Variants in DNAH8 observed in about 807,000 individuals in gnomAD.
The protein encoded by DNAH8 is axonemal beta dynein heavy chain 8.
A neutral mutation model predicts 562.1 loss-of-function variants in DNAH8; 382 were observed. The ratio of observed to expected loss-of-function variants is 0.68; its 90% confidence interval spans 0.63 to 0.74. The LOEUF (loss-of-function observed/expected upper bound fraction) is 0.74, where lower values mean the gene tolerates loss of function less well. Among genes scored for constraint, DNAH8 ranks in the 30% least tolerant of loss-of-function variants. DNAH8 has a pLI of 0.00. For missense variants in DNAH8, 5,203 were observed against 5,620.4 expected, an observed-to-expected ratio of 0.93 and a Z score of 2.37; for synonymous variants, 1,881 against 1,919.4, an observed-to-expected ratio of 0.98 and a Z score of 0.52.
intron 2 of DNAH8, 24 bp downstream of exon 2, chr6:38,723,223 A>C: frequency 6.3e-7 from 1 of 1,591,172 alleles, no homozygotes; most frequent in South Asian, 1.1e-5. Flanking sequence ...ACGATTTTTC[A>C]TGTGTGCCAC....
At chr6:38,753,961 T>C (rs1765693413) in intron 9 of DNAH8, among the ~76,000 whole-genome samples, 1 of 152,198 alleles carries the variant, frequency 6.6e-6, no homozygotes, top group Non-Finnish European at 1.5e-5. Context: ...CAATTCCTTT[T>C]TCCCCCTCAT....
intron 52 of DNAH8, among the ~76,000 whole-genome samples, chr6:38,873,822 A>G: frequency 8.1e-6 from 1 of 123,380 alleles, no homozygotes; most frequent in South Asian, 3.1e-4. Context: ...AAATAAATAA[A>G]TAAGTAAATA....
chr6:38,852,868 C>G, intron 40 of DNAH8, 70 bp downstream of exon 40: 5 of 1,223,116 alleles, frequency 4.1e-6, no homozygotes, highest in Non-Finnish European at 5.9e-6. Flanking sequence ...GAATACAGTT[C>G]TCTTACAGAA....
chr6:39,021,210 C>G (rs755520699), intron 91 of DNAH8, among the ~76,000 whole-genome samples: 2 of 152,134 alleles, frequency 1.3e-5, no homozygotes, highest in Non-Finnish European at 2.9e-5. Flanking sequence ...GACCTTGGAC[C>G]TTTGCTACCC....
At chr6:39,002,923 C>T (rs1348462669) in intron 88 of DNAH8, among the ~76,000 whole-genome samples, 1 of 152,154 alleles carries the variant, frequency 6.6e-6, no homozygotes, top group Non-Finnish European at 1.5e-5. Flanking sequence ...CATGGCATGA[C>T]TTTTGGAAAG....
intron 17 of DNAH8, among the ~76,000 whole-genome samples, chr6:38,783,782 A>G (rs143124030): frequency 4.6e-5 from 7 of 152,212 alleles, no homozygotes; most frequent in African/African-American, 1.7e-4. Context: ...GCTTTGTCTC[A>G]TCTTAACCTT....
chr6:38,801,822 A>G (rs1320013166), intron 21 of DNAH8, among the ~76,000 whole-genome samples: 3 of 152,174 alleles, frequency 2.0e-5, no homozygotes, highest in African/African-American at 7.2e-5. Flanking sequence ...GGAACACATA[A>G]CACATGGGGG....
chr6:38,810,668 T>C (rs1471377793), intron 24 of DNAH8, among the ~76,000 whole-genome samples: 2 of 152,198 alleles, frequency 1.3e-5, no homozygotes, highest in African/African-American at 4.8e-5. Flanking sequence ...ACAAGGGCCT[T>C]GGCAGGCTTT....
chr6:38,931,107 G>A (rs1361175294), intron 75 of DNAH8, among the ~76,000 whole-genome samples: 1 of 152,106 alleles, frequency 6.6e-6, no homozygotes, highest in Non-Finnish European at 1.5e-5. Context: ...ATTTTTATCT[G>A]CAATGTGAAG....
intron 3 of DNAH8, among the ~76,000 whole-genome samples, chr6:38,727,674 C>A (rs1763337652): frequency 6.6e-6 from 1 of 152,266 alleles, no homozygotes; most frequent in South Asian, 2.1e-4. Context: ...AATAAAATAG[C>A]CTTTTTATTT....
intron 88 of DNAH8, among the ~76,000 whole-genome samples, chr6:39,001,351 G>A (rs185504553): frequency 2.0e-5 from 3 of 152,066 alleles, no homozygotes; most frequent in African/African-American, 4.8e-5. Flanking sequence ...AAACAAGCAT[G>A]TCATCATGTA....
intron 74 of DNAH8, among the ~76,000 whole-genome samples, chr6:38,927,172 T>C (rs1218368372): frequency 6.6e-6 from 1 of 152,236 alleles, no homozygotes; most frequent in Non-Finnish European, 1.5e-5. Context: ...TGTGGTCATC[T>C]TGATGAATAT....
intron 89 of DNAH8, among the ~76,000 whole-genome samples, chr6:39,011,778 C>T (rs1224527944): frequency 6.6e-6 from 1 of 152,186 alleles, no homozygotes; most frequent in Non-Finnish European, 1.5e-5. Context: ...TTGTTGGTAA[C>T]TGCTCTGTAA....
intron 74 of DNAH8, among the ~76,000 whole-genome samples, chr6:38,926,456 G>A (rs1003022523): frequency 1.3e-5 from 2 of 151,942 alleles, no homozygotes; most frequent in Non-Finnish European, 2.9e-5. Flanking sequence ...TGCTAATGTC[G>A]AATGTGGCTT....
rs1199307195 is a variant in DNAH8 at position 38,913,886 on chromosome 6, T to C, written c.9897T>C (p.Ala3299=). Residue 3299 remains alanine (A), a synonymous_variant, in exon 67 of 93, where the codon GCT becomes GCC. Transcript: ENST00000327475. The part of the protein sequence containing the change: ...DKLMEASESV[A]KLSQDLAVKE... Reference sequence around the variant, plus strand: ...TAATGGAGGCAAGTGAATCTGTTGCTAAACTCTCTCAGGATCTTGCAGTCA... The same window carrying C: ...TAATGGAGGCAAGTGAATCTGTTGCCAAACTCTCTCAGGATCTTGCAGTCA... The C allele has an allele frequency of 2.5e-6, 4 of 1,613,456 alleles. No individual in the cohort carries two copies. The South Asian group carries it at 4.4e-5, about 18-fold the overall frequency.
chr6:38,981,288 G>C (rs1764018448), intron 85 of DNAH8, among the ~76,000 whole-genome samples: 1 of 152,090 alleles, frequency 6.6e-6, no homozygotes, highest in East Asian at 1.9e-4. Flanking sequence ...GAAACATCTG[G>C]ACTCATCTAT....
chr6:38,929,688 AAAAAG>A lies in DNAH8; in HGVS notation c.11274+26_11274+30del, dbSNP rs770103457. 3.9e-4 allele frequency: 585 copies of A among 1,504,330 alleles called. No homozygotes were observed. The African/African-American group carries it at 6.3e-3, about 16-fold the overall frequency. The allele number at this position is 1,504,330 out of a possible 1,614,324, so 93.2% of individuals were successfully genotyped here. A position where few individuals can be genotyped will look rare whatever the true frequency, so the allele number is the denominator to read the frequency against. Reference sequence around the variant, plus strand: ...CAAGGTGAGCTTTGTAAAAAAAAAAAAAAAGAAAGAAAGAAAGAAAAGAAAAAGAA... The same window carrying A: ...CAAGGTGAGCTTTGTAAAAAAAAAAAAAAGAAAGAAAGAAAAGAAAAAGAA... On this transcript the variant is annotated intron_variant, in intron 75 of 92. Coordinates refer to ENST00000327475, the MANE Select transcript of DNAH8 (RefSeq NM_001206927.2).
intron 75 of DNAH8, 142 bp from the exon 76 acceptor site, chr6:38,931,669 T>A (rs1255690724): frequency 1.2e-5 from 6 of 487,998 alleles, no homozygotes; most frequent in Non-Finnish European, 2.2e-5. Flanking sequence ...TTATTTAAGA[T>A]CAGTGATTAA....
At chr6:38,905,455 G>A (rs1163140018) in intron 62 of DNAH8, among the ~76,000 whole-genome samples, 1 of 151,980 alleles carries the variant, frequency 6.6e-6, no homozygotes, top group Non-Finnish European at 1.5e-5. Context: ...TTTTTCTGTG[G>A]GTTTTCTTTG....
Sources: allele counts gnomAD v4.1 joint callset (sites outside exome capture counted in the v4.1 genomes callset), GRCh38; gene constraint gnomAD v4.1.1; transcripts MANE v1.5; gene names NCBI Gene and HGNC (gene_info 2026-07-23, HGNC 2026-07-21).